GTF2A1L: variants seen among roughly 807,000 people sequenced by gnomAD.
GTF2A1L encodes TFIIA-alpha and beta-like factor.
A neutral mutation model predicts 49.7 loss-of-function variants in GTF2A1L; 48 were observed. The observed-to-expected ratio is 0.97, with a 90% confidence interval of 0.77 to 1.23. The LOEUF (loss-of-function observed/expected upper bound fraction) is 1.23. Ranked by LOEUF, GTF2A1L falls within the 50% of genes most tolerant of loss-of-function variation. The pLI, the probability that GTF2A1L is intolerant of heterozygous loss-of-function variation, is 0.00. For missense variants in GTF2A1L, 736 were observed against 564.8 expected, an observed-to-expected ratio of 1.30 and a Z score of -3.07; for synonymous variants, 246 against 193.5, an observed-to-expected ratio of 1.27 and a Z score of -2.25.
intron 8 of GTF2A1L, among the ~76,000 whole-genome samples, chr2:48,673,638 C>CA (rs2104317307): frequency 6.6e-6 from 1 of 152,202 alleles, no homozygotes; most frequent in East Asian, 1.9e-4. Context: ...AGGTGTGAGC[C>CA]ACTGCACCCA....
At chr2:48,625,267 T>C (rs1306315297) in intron 3 of GTF2A1L, among the ~76,000 whole-genome samples, 2 of 143,642 alleles carry the variant, frequency 1.4e-5, no homozygotes, top group Admixed American at 7.1e-5. Flanking sequence ...CAGGTGTGAG[T>C]TGATATCTTA....
intron 6 of GTF2A1L, 23 bp from the exon 7 acceptor site, chr2:48,669,699 A>T (rs896398045): frequency 6.9e-6 from 11 of 1,590,422 alleles, no homozygotes; most frequent in Middle Eastern, 1.7e-4. Flanking sequence ...CTTGAACTTT[A>T]TTGTATTTCT....
intron 3 of GTF2A1L, among the ~76,000 whole-genome samples, chr2:48,640,829 A>T (rs1293279310): frequency 6.6e-6 from 1 of 152,192 alleles, no homozygotes; most frequent in African/African-American, 2.4e-5. Context: ...AATTTGTTTG[A>T]TGCACATTTA....
intron 7 of GTF2A1L, among the ~76,000 whole-genome samples, chr2:48,671,171 C>T (rs1679143940): frequency 6.6e-6 from 1 of 151,766 alleles, no homozygotes. Context: ...CAATTATATT[C>T]TGCTGCTCTA....
At position 48,646,745 on chromosome 2, in the gene GTF2A1L, C is replaced by T. The variant is rs189414722; in HGVS notation, c.681C>T (p.Ile227=). Residue 227 remains isoleucine (I), a synonymous_variant, in exon 6 of 9, where the codon ATC becomes ATT. Coordinates refer to ENST00000403751, the MANE Select transcript of GTF2A1L (RefSeq NM_006872.5). The part of the protein sequence containing the change: ...ILVSPGNEHK[I]VPEALLCHQE... ...TATCTCCTGGAAATGAGCATAAAAT[C>T]GTGCCTGAAGCTTTGTTGTGTCATC... The T allele has an allele frequency of 1.5e-5, 24 of 1,614,188 alleles. No homozygotes were observed. Among genetic ancestry groups the T allele is most frequent in the Middle Eastern group, 1.6e-4 (1 of 6,062 alleles).
At position 48,646,923 on chromosome 2, in the gene GTF2A1L, C is replaced by G. The variant is rs539190002; in HGVS notation, c.859C>G (p.Leu287Val). 1.2e-6 allele frequency: 2 copies of G among 1,614,152 alleles called. No homozygotes were observed. The highest frequency in any genetic ancestry group is 2.2e-5 in the East Asian group (1 of 44,892). Residue 287 changes from leucine to valine, a missense_variant, in exon 6 of 9, where the codon CTC (leucine) becomes GTC (valine). Transcript: ENST00000403751. Reference sequence around the variant, plus strand: ...CCTCTCCACAAGCCCTCATGGGGCTCTCCACCAGCACGTGACTGATATTCA... The same window carrying G: ...CCTCTCCACAAGCCCTCATGGGGCTGTCCACCAGCACGTGACTGATATTCA... ...ESLSTSPHGALHQHVTDIQLH... is the reference protein window; with the variant it reads ...ESLSTSPHGAVHQHVTDIQLH...
At chr2:48,655,928 T>C (rs1678144459) in intron 6 of GTF2A1L, among the ~76,000 whole-genome samples, 1 of 152,212 alleles carries the variant, frequency 6.6e-6, no homozygotes, top group South Asian at 2.1e-4. Flanking sequence ...TTACCTCATA[T>C]AAGTGGAATC....
intron 3 of GTF2A1L, among the ~76,000 whole-genome samples, chr2:48,641,139 A>G (rs548912220): frequency 9.8e-4 from 149 of 152,250 alleles, no homozygotes; most frequent in Non-Finnish European, 1.8e-3. Context: ...GTGTTAACAG[A>G]TTTTTATTTC....
chr2:48,659,715 T>G (rs1322141746), intron 6 of GTF2A1L, among the ~76,000 whole-genome samples: 2 of 152,152 alleles, frequency 1.3e-5, no homozygotes, highest in African/African-American at 4.8e-5. Context: ...CTAAATAACC[T>G]ATTCTTTTTG....
chr2:48,667,777 T>C (rs1243853653), intron 6 of GTF2A1L, among the ~76,000 whole-genome samples: 3 of 152,206 alleles, frequency 2.0e-5, no homozygotes, highest in Non-Finnish European at 2.9e-5. Flanking sequence ...GTAATATTCA[T>C]ATGGGTTTGA....
At chr2:48,642,782 G>A (rs1408836463) in intron 4 of GTF2A1L, among the ~76,000 whole-genome samples, 1 of 152,088 alleles carries the variant, frequency 6.6e-6, no homozygotes, top group Non-Finnish European at 1.5e-5. Context: ...CTTGAACCTG[G>A]GAGGCGGAGG....
At chr2:48,675,189 C>T (rs530379213) in intron 8 of GTF2A1L, among the ~76,000 whole-genome samples, 4 of 152,228 alleles carry the variant, frequency 2.6e-5, no homozygotes, top group South Asian at 2.1e-4. Flanking sequence ...GGGCTTAGCA[C>T]GCTTTTGTTA....
chr2:48,676,931 T>A (rs77045429), intron 8 of GTF2A1L, among the ~76,000 whole-genome samples: 2,696 of 151,770 alleles, frequency 0.018, 82 homozygotes, highest in African/African-American at 0.06. Context: ...TTTTATTTTT[T>A]TTTTTCCAGG....
At chr2:48,670,020 T>C in intron 7 of GTF2A1L, 38 bp downstream of exon 7, 2 of 1,564,124 alleles carry the variant, frequency 1.3e-6, no homozygotes, top group South Asian at 2.5e-5. Flanking sequence ...CCTTTATTAA[T>C]TTATAACATT....
intron 3 of GTF2A1L, among the ~76,000 whole-genome samples, chr2:48,628,336 C>T (rs1213038972): frequency 2.1e-5 from 3 of 144,258 alleles, no homozygotes; most frequent in African/African-American, 7.4e-5. Flanking sequence ...ATTTACATTC[C>T]CACCAACAGT....
At chr2:48,628,446 T>C (rs1399295716) in intron 3 of GTF2A1L, among the ~76,000 whole-genome samples, 1 of 144,164 alleles carries the variant, frequency 6.9e-6, no homozygotes, top group Non-Finnish European at 1.6e-5. Flanking sequence ...TATATTCTTG[T>C]GTTTTGATTT....
chr2:48,659,664 C>T (rs952749367), intron 6 of GTF2A1L, among the ~76,000 whole-genome samples: 4 of 151,956 alleles, frequency 2.6e-5, no homozygotes, highest in African/African-American at 9.7e-5. Flanking sequence ...TTGTTGTTTT[C>T]AGCATATACA....
At chr2:48,650,778 G>A (rs763692691) in intron 6 of GTF2A1L, among the ~76,000 whole-genome samples, 3 of 152,114 alleles carry the variant, frequency 2.0e-5, no homozygotes, top group Non-Finnish European at 4.4e-5. Flanking sequence ...GGCATGGGAT[G>A]CTACTGTACA....
rs1320769030 is a variant in GTF2A1L, at chr2:48,646,473, G to A, written c.409G>A (p.Val137Ile). 1.0e-5 allele frequency: 16 copies of A among 1,607,644 alleles called. No individual in the cohort carries two copies. The highest frequency in any genetic ancestry group is 1.3e-5 in the Non-Finnish European group (15 of 1,178,302). Residue 137 changes from valine (V) to isoleucine (I), a missense_variant, in exon 6 of 9, where the codon GTA becomes ATA. Physicochemically the swap from Val to Ile is conservative, Grantham distance 29. Coordinates refer to ENST00000403751, the MANE Select transcript of GTF2A1L (RefSeq NM_006872.5). ...TTAAGGTCACCTTTATAAAGTCAAT[G>A]TACCAATTATGGTGACAGAGACTTC... ...TVSGHLYKVN[V>I]PIMVTETSGR... is the part of the protein sequence containing the mutation.
Sources: allele counts gnomAD v4.1 joint callset (sites outside exome capture counted in the v4.1 genomes callset), GRCh38; gene constraint gnomAD v4.1.1; transcripts MANE v1.5; gene names NCBI Gene and HGNC (gene_info 2026-07-23, HGNC 2026-07-21).